Variants in PLCB1 observed in about 807,000 individuals in gnomAD.
PLCB1 encodes 1-phosphatidylinositol 4,5-bisphosphate phosphodiesterase beta-1.
In PLCB1, 46 loss-of-function variants were observed where a neutral mutation model predicts 161.8. The observed-to-expected ratio is 0.28, with a 90% confidence interval of 0.22 to 0.36. PLCB1 has a LOEUF of 0.36. Ranked by LOEUF, PLCB1 falls within the 10% of genes least tolerant of loss-of-function variation. The pLI, the probability that PLCB1 is intolerant of heterozygous loss-of-function variation, is 1.00. For synonymous variants in PLCB1, 517 were observed against 503.7 expected (o/e 1.03, Z -0.35); for missense variants, 1,016 against 1,472.5 (o/e 0.69, Z 5.07).
At chr20:8,195,207 C>T (rs1427689006) in intron 2 of PLCB1, among the ~76,000 whole-genome samples, 1 of 151,854 alleles carries the variant, frequency 6.6e-6, no homozygotes, top group African/African-American at 2.4e-5. Flanking sequence ...AGGAAGAAAC[C>T]ATGCAGAGGG....
chr20:8,235,610 C>T (rs763633259), intron 2 of PLCB1, among the ~76,000 whole-genome samples: 14 of 152,096 alleles, frequency 9.2e-5, no homozygotes, highest in African/African-American at 1.4e-4. Context: ...CAAAGTTATT[C>T]GTGCACGTCC....
intron 24 of PLCB1, among the ~76,000 whole-genome samples, 179 bp downstream of exon 24, chr20:8,757,357 C>T (rs890219835): frequency 1.4e-4 from 21 of 152,190 alleles, no homozygotes; most frequent in Non-Finnish European, 2.8e-4. Flanking sequence ...GTCATATGTG[C>T]TCATCTGGCT....
chr20:8,483,030 T>C (rs1444540642), intron 3 of PLCB1, among the ~76,000 whole-genome samples: 1 of 152,168 alleles, frequency 6.6e-6, no homozygotes, highest in South Asian at 2.1e-4. Flanking sequence ...CTTGACATTG[T>C]TCTCTCGATC....
chr20:8,523,006 A>C (rs551276389), intron 3 of PLCB1, among the ~76,000 whole-genome samples: 1 of 152,168 alleles, frequency 6.6e-6, no homozygotes, highest in Non-Finnish European at 1.5e-5. Context: ...ATCAAATAAA[A>C]TGTTGGCCAT....
intron 31 of PLCB1, among the ~76,000 whole-genome samples, chr20:8,861,779 C>CATCT (rs1987266363): frequency 6.7e-6 from 1 of 149,942 alleles, no homozygotes; most frequent in African/African-American, 2.4e-5. Context: ...AGCAAAACCC[C>CATCT]ATCTTTATAA....
chr20:8,642,031 A>G (rs1461570260), intron 4 of PLCB1, among the ~76,000 whole-genome samples: 1 of 152,200 alleles, frequency 6.6e-6, no homozygotes. Flanking sequence ...TTTGAATAAC[A>G]TGATCTGAAA....
chr20:8,202,398 T>C (rs1292210757), intron 2 of PLCB1, among the ~76,000 whole-genome samples: 1 of 152,212 alleles, frequency 6.6e-6, no homozygotes, highest in Non-Finnish European at 1.5e-5. Context: ...TTACAGCATT[T>C]ATTTCTTGGC....
intron 5 of PLCB1, among the ~76,000 whole-genome samples, chr20:8,646,433 G>T (rs1222668589): frequency 6.6e-6 from 1 of 152,162 alleles, no homozygotes; most frequent in African/African-American, 2.4e-5. Flanking sequence ...CAGTGCTTTT[G>T]ACACACAACA....
At chr20:8,701,174 A>G (rs534274801) in intron 11 of PLCB1, among the ~76,000 whole-genome samples, 6 of 152,246 alleles carry the variant, frequency 3.9e-5, no homozygotes, top group South Asian at 2.1e-4. Context: ...GTGTAAAGTG[A>G]CTTTGTAATA....
chr20:8,733,616 A>G (rs370695138), intron 19 of PLCB1, among the ~76,000 whole-genome samples: 1 of 149,864 alleles, frequency 6.7e-6, no homozygotes, highest in East Asian at 2.0e-4. Context: ...GGGAAGGGGA[A>G]CATCACACTC....
chr20:8,879,770 C>T (rs1600111420), intron 31 of PLCB1, among the ~76,000 whole-genome samples: 1 of 152,190 alleles, frequency 6.6e-6, no homozygotes, highest in East Asian at 1.9e-4. Flanking sequence ...GCTGCTGACA[C>T]TGTCTAGAAG....
chr20:8,220,198 G>T (rs6118124), intron 2 of PLCB1, among the ~76,000 whole-genome samples: 1,849 of 152,156 alleles, frequency 0.012, 43 homozygotes, highest in African/African-American at 0.042. Flanking sequence ...GGTATCACAT[G>T]CCCAGGTTAT....
chr20:8,658,594 T>G lies in PLCB1; in HGVS notation c.752T>G (p.Leu251Arg), dbSNP rs768195394. Reference sequence around the variant, plus strand: ...GATCAGATGATGGATTTTATCAACCTTAAGCAGCGAGATCCTCGGCTTAAT... The same window carrying G: ...GATCAGATGATGGATTTTATCAACCGTAAGCAGCGAGATCCTCGGCTTAAT... Reference protein sequence around the residue: ...TVDQMMDFINLKQRDPRLNEI... With the variant: ...TVDQMMDFINRKQRDPRLNEI... Residue 251 changes from leucine (L) to arginine (R), a missense_variant, in exon 9 of 32, where the codon CTT (leucine) becomes CGT (arginine). This residue lies in a region of PLCB1 where 117 missense variants were observed against 142.2 expected (regional missense o/e 0.82). Coordinates refer to ENST00000338037, the MANE Select transcript of PLCB1 (RefSeq NM_015192.4). 1 of 1,613,196 alleles carries G rather than the reference T, an allele frequency of 6.2e-7. No individual in the cohort carries two copies. Among genetic ancestry groups the G allele is most frequent in the Admixed American group, 1.7e-5 (1 of 59,896 alleles).
chr20:8,849,235 T>C (rs1019859753), intron 31 of PLCB1, among the ~76,000 whole-genome samples: 1 of 152,230 alleles, frequency 6.6e-6, no homozygotes, highest in Non-Finnish European at 1.5e-5. Flanking sequence ...TATTGAGTTC[T>C]TACTACCTAC....
intron 2 of PLCB1, among the ~76,000 whole-genome samples, chr20:8,223,325 C>A (rs1302108109): frequency 6.6e-6 from 1 of 152,148 alleles, no homozygotes; most frequent in Non-Finnish European, 1.5e-5. Context: ...CTGAGTAAGA[C>A]TTGAAGACTC....
At position 8,458,202 on chromosome 20, in the gene PLCB1, T is replaced by C. The variant is rs1387935857; in HGVS notation, c.246+86752T>C. 2.0e-5 allele frequency among the ~76,000 whole-genome samples: 3 copies of C among 152,306 alleles called. No homozygotes were observed. The East Asian group carries it at 5.8e-4, about 29-fold the overall frequency. On this transcript the variant is annotated intron_variant, in intron 3 of 31. Transcript: ENST00000338037. ...TAGGGAAGCTGGCAGTCATTGACTG[T>C]ATCGTGACTGTTGGGGCCAGTTGCT...
intron 3 of PLCB1, among the ~76,000 whole-genome samples, chr20:8,422,513 T>G (rs976916514): frequency 6.6e-6 from 1 of 152,192 alleles, no homozygotes; most frequent in Non-Finnish European, 1.5e-5. Context: ...GGTCTATGCA[T>G]CTGTCAAACT....
intron 2 of PLCB1, among the ~76,000 whole-genome samples, chr20:8,163,904 A>C (rs888448529): frequency 2.6e-5 from 4 of 152,220 alleles, no homozygotes; most frequent in African/African-American, 7.2e-5. Flanking sequence ...GCAAAGCTTC[A>C]TATGGAATGA....
At chr20:8,405,175 T>C (rs1347558951) in intron 3 of PLCB1, among the ~76,000 whole-genome samples, 2 of 152,180 alleles carry the variant, frequency 1.3e-5, no homozygotes, top group Non-Finnish European at 2.9e-5. Context: ...TGTATGTGTC[T>C]GTGGTCAGCT....
Sources: allele counts gnomAD v4.1 joint callset (sites outside exome capture counted in the v4.1 genomes callset), GRCh38; gene constraint gnomAD v4.1.1; regional missense constraint gnomAD v4.1.1; transcripts MANE v1.5; gene names NCBI Gene and HGNC (gene_info 2026-07-23, HGNC 2026-07-21).